The following AMZ1 variants were observed in gnomAD, a reference collection of about 807,000 sequenced individuals.
The protein encoded by AMZ1 is archaelysin family metallopeptidase 1.
AMZ1 carries 39 observed loss-of-function variants against 29.9 expected under a neutral mutation model. That is an observed-to-expected ratio of 1.30 (90% CI 1.01 to 1.70). AMZ1 has a LOEUF of 1.70. AMZ1 is among the 40% of genes most tolerant of loss of function. The pLI, the probability that AMZ1 is intolerant of heterozygous loss-of-function variation, is 0.00. For synonymous variants in AMZ1, 458 were observed against 304.0 expected, an observed-to-expected ratio of 1.51 and a Z score of -5.27; for missense variants, 1,041 against 680.6, an observed-to-expected ratio of 1.53 and a Z score of -5.89.
chr7:2,740,841 T>C (rs1790462793), intron 4 of AMZ1, among the ~76,000 whole-genome samples: 2 of 152,172 alleles, frequency 1.3e-5, no homozygotes, highest in Admixed American at 6.6e-5. Flanking sequence ...TCGAGAGATC[T>C]AGACCATCCT....
At chr7:2,685,036 A>AT (rs1476457241), upstream of AMZ1, among the ~76,000 whole-genome samples, 3 of 151,666 alleles carry the variant, frequency 2.0e-5, no homozygotes, top group Non-Finnish European at 2.9e-5. Flanking sequence ...CGCCCGGCTA[A>AT]TTTTTTGTAT....
intron 4 of AMZ1, among the ~76,000 whole-genome samples, chr7:2,746,608 A>C (rs189318608): frequency 6.6e-6 from 1 of 152,330 alleles, no homozygotes; most frequent in East Asian, 1.9e-4. Context: ...AACTAAAAGA[A>C]CTAGAAAAGC....
upstream of AMZ1, among the ~76,000 whole-genome samples, chr7:2,760,856 G>A (rs1299916548): frequency 1.3e-5 from 2 of 152,206 alleles, no homozygotes; most frequent in African/African-American, 4.8e-5. Context: ...CTGGTGACAC[G>A]AGGAACAGAA....
At chr7:2,755,351 C>A (rs1202934068) in intron 4 of AMZ1, among the ~76,000 whole-genome samples, 1 of 152,238 alleles carries the variant, frequency 6.6e-6, no homozygotes, top group Non-Finnish European at 1.5e-5. Flanking sequence ...CAGGGGAGAA[C>A]AGACATCTTG....
chr7:2,712,969 AGAG>A lies in AMZ1; in HGVS notation c.*94_*96del, dbSNP rs1299863458. 1.5e-6 allele frequency: 2 copies of A among 1,354,202 alleles called. No homozygotes were observed. The highest frequency in any genetic ancestry group is 3.0e-5 in the African/African-American group (2 of 66,870). 83.9% of individuals were successfully genotyped at this position (1,354,202 alleles called of 1,614,324 possible). On this transcript the variant is annotated 3_prime_UTR_variant, in exon 7 of 7. Coordinates refer to ENST00000683327, the MANE Select transcript of AMZ1 (RefSeq NM_001384743.1). ...GCCACTACTGACCTGCCAGGGATAA[AGAG>A]GAAGGGTCTGCCTGGGTGGTGGCTC...
At chr7:2,695,300 C>A (rs917277024) in intron 1 of AMZ1, among the ~76,000 whole-genome samples, 1 of 152,118 alleles carries the variant, frequency 6.6e-6, no homozygotes, top group Non-Finnish European at 1.5e-5. Flanking sequence ...GGAGTGAGAC[C>A]CACGCTGGAG....
intron 4 of AMZ1, among the ~76,000 whole-genome samples, chr7:2,749,994 C>T (rs992991990): frequency 2.0e-5 from 3 of 152,134 alleles, no homozygotes; most frequent in African/African-American, 7.2e-5. Flanking sequence ...TTTTTAGAAG[C>T]AGAAAACTTT....
chr7:2,709,105 CAG>C lies in AMZ1; in HGVS notation c.633_634del (p.Glu213IlefsTer10), dbSNP rs1788569730. On this transcript the variant is annotated frameshift_variant, in exon 5 of 7. Transcript: ENST00000683327. LOFTEE classifies it high-confidence loss of function. Reference sequence around the variant, plus strand: ...GGCGTCTGCAGCTTCGCCCGGTTCTCAGGGGAATTCCCGAAGTCGGGGCCCAG... The same window carrying C: ...GGCGTCTGCAGCTTCGCCCGGTTCTCGGGAATTCCCGAAGTCGGGGCCCAG... The C allele has an allele frequency of 3.1e-6, 5 of 1,601,222 alleles. No homozygotes were observed. The highest frequency in any genetic ancestry group is 2.2e-5 in the South Asian group (2 of 89,732).
chr7:2,732,684 C>A (rs934129968), intron 4 of AMZ1, among the ~76,000 whole-genome samples: 1 of 152,206 alleles, frequency 6.6e-6, no homozygotes, highest in Non-Finnish European at 1.5e-5. Context: ...TGACTACCAC[C>A]CACGGGGTGT....
At chr7:2,703,212 T>C (rs901274949) in intron 3 of AMZ1, among the ~76,000 whole-genome samples, 1 of 152,152 alleles carries the variant, frequency 6.6e-6, no homozygotes, top group Non-Finnish European at 1.5e-5. Context: ...CGTGGCGCGA[T>C]CTCGGCTCAC....
intron 1 of AMZ1, among the ~76,000 whole-genome samples, chr7:2,690,208 TGAGAGA>T (rs140749105): frequency 2.7e-5 from 4 of 150,940 alleles, no homozygotes; most frequent in African/African-American, 9.7e-5. Flanking sequence ...TGTGTGTGTG[TGAGAGA>T]GAGAGAGAGA....
In AMZ1 at chr7:2,730,137, C is replaced by T. The variant is rs563322413; in HGVS notation, n.550+20321C>T. ...GGCTTCCCGAAAGGTCAGCTGTTAGCTCGCCAAGCAGCTGGGGCATTAACA... is the reference window on the plus strand; with the variant it reads ...GGCTTCCCGAAAGGTCAGCTGTTAGTTCGCCAAGCAGCTGGGGCATTAACA... On this transcript the variant is annotated intron_variant and non_coding_transcript_variant, in intron 4 of 4. Coordinates refer to the AMZ1 transcript ENST00000489665. The T allele has an allele frequency of 2.0e-5, 3 of 152,478 alleles. No individual in the cohort carries two copies. In the East Asian group the frequency reaches 5.6e-4, roughly 29 times the overall value. The allele number at this position is 152,478 out of a possible 1,614,324, so 9.4% of individuals were successfully genotyped here.
intron 4 of AMZ1, among the ~76,000 whole-genome samples, chr7:2,742,470 G>C (rs890096148): frequency 6.6e-6 from 1 of 152,152 alleles, no homozygotes. Flanking sequence ...GTCAACAAGA[G>C]CCCTGCTCCT....
intron 1 of AMZ1, among the ~76,000 whole-genome samples, chr7:2,696,418 G>A (rs1270131732): frequency 4.6e-5 from 7 of 150,580 alleles, no homozygotes; most frequent in African/African-American, 7.4e-5. Context: ...CACCACGCCT[G>A]GCTAATTTTT....
chr7:2,719,027 C>T lies in AMZ1; in HGVS notation c.*6149C>T, dbSNP rs369660529. On this transcript the variant is annotated 3_prime_UTR_variant, in exon 7 of 7. Coordinates refer to ENST00000683327, the MANE Select transcript of AMZ1 (RefSeq NM_001384743.1). Reference sequence around the variant, plus strand: ...AGGCGACTTTTTTTTTTTTTTTTCCCCCCCATCTGAAGTGAGATCAAACTT... The same window carrying T: ...AGGCGACTTTTTTTTTTTTTTTTCCTCCCCATCTGAAGTGAGATCAAACTT... Among the ~76,000 whole-genome samples the T allele has an allele frequency of 5.2e-3, 773 of 148,178 alleles. 10 individuals are homozygous for T. Among genetic ancestry groups the T allele is most frequent in the African/African-American group, 0.013 (515 of 40,516 alleles).
chr7:2,748,393 G>T (rs1274928151), intron 4 of AMZ1, among the ~76,000 whole-genome samples: 1 of 152,082 alleles, frequency 6.6e-6, no homozygotes, highest in East Asian at 1.9e-4. Flanking sequence ...AAACCTGACA[G>T]AAACAAGCAA....
chr7:2,705,600 C>G lies in AMZ1; in HGVS notation c.472+2711C>G, dbSNP rs568836328. On this transcript the variant is annotated intron_variant, in intron 3 of 6. Coordinates refer to ENST00000683327, the MANE Select transcript of AMZ1 (RefSeq NM_001384743.1). ...TCATTCACTCTGCCTGTCTGGCCATCTTTTGGCGGGAGGGTTGTCTAAATT... is the reference window on the plus strand; with the variant it reads ...TCATTCACTCTGCCTGTCTGGCCATGTTTTGGCGGGAGGGTTGTCTAAATT... Among the ~76,000 whole-genome samples the G allele has an allele frequency of 1.8e-4, 27 of 152,324 alleles. No homozygotes were observed. In the South Asian group the frequency reaches 5.6e-3, roughly 32 times the overall value.
At chr7:2,719,917 G>A (rs948448711), downstream of AMZ1, among the ~76,000 whole-genome samples, 1 of 151,970 alleles carries the variant, frequency 6.6e-6, no homozygotes, top group Admixed American at 6.6e-5. Flanking sequence ...TCCTGACCTC[G>A]TGATCCACCC....
upstream of AMZ1, chr7:2,762,282 C>A: frequency 4.1e-6 from 1 of 244,272 alleles, no homozygotes; most frequent in South Asian, 1.6e-4. Flanking sequence ...AGAAGGTGCA[C>A]ATGGCGGGGC....
Sources: allele counts gnomAD v4.1 joint callset (sites outside exome capture counted in the v4.1 genomes callset), GRCh38; gene constraint gnomAD v4.1.1; transcripts MANE v1.5; gene names NCBI Gene and HGNC (gene_info 2026-07-23, HGNC 2026-07-21).